COMMD10: variants seen among roughly 807,000 people sequenced by gnomAD.
COMMD10 encodes COMM domain-containing protein 10.
A neutral mutation model predicts 28.9 loss-of-function variants in COMMD10; 33 were observed. The observed-to-expected ratio is 1.14, with a 90% CI of 0.87 to 1.53. The LOEUF (loss-of-function observed/expected upper bound fraction) is 1.53. Among genes scored for constraint, COMMD10 ranks in the 40% most tolerant of loss-of-function variants. The probability of loss-of-function intolerance (pLI) is 0.00; values close to 1 mark genes in which losing one functional copy is unlikely to be tolerated. For synonymous variants in COMMD10, 110 were observed against 81.7 expected, an observed-to-expected ratio of 1.35 and a Z score of -1.87; for missense variants, 310 against 233.4, an observed-to-expected ratio of 1.33 and a Z score of -2.14.
chr5:116,095,370 T>C (rs1221577384), intron 4 of COMMD10, among the ~76,000 whole-genome samples: 1 of 152,232 alleles, frequency 6.6e-6, no homozygotes. Context: ...CTAATGTAAG[T>C]ATACTGAACA....
chr5:116,258,811 G>C (rs1190274037), intron 5 of COMMD10, among the ~76,000 whole-genome samples: 2 of 151,414 alleles, frequency 1.3e-5, no homozygotes, highest in Non-Finnish European at 2.9e-5. Context: ...TGCCTCATCT[G>C]CCTCTCCCTG....
In COMMD10 at chr5:116,165,591, GGT is replaced by G. The variant is rs34777604; in HGVS notation, c.510+31427_510+31428del. Among the ~76,000 whole-genome samples, 651 of 151,114 alleles carry G rather than the reference GGT, an allele frequency of 4.3e-3. 1 individual carries two copies. The highest frequency in any genetic ancestry group is 6.7e-3 in the African/African-American group (276 of 41,252). Reference sequence around the variant, plus strand: ...TTGTCTTCACATGATCTTTCCTAAGGGTGTGTGTGTGTGTGGGTGTATCTGTG... The same window carrying G: ...TTGTCTTCACATGATCTTTCCTAAGGGTGTGTGTGTGTGGGTGTATCTGTG... On this transcript the variant is annotated intron_variant, in intron 5 of 6. Transcript: ENST00000274458.
chr5:116,191,498 G>A (rs1221797822), intron 5 of COMMD10, among the ~76,000 whole-genome samples: 1 of 151,910 alleles, frequency 6.6e-6, no homozygotes. Flanking sequence ...TAAGAGCTGG[G>A]TGACGCCTGT....
chr5:116,259,009 T>A (rs551467699), intron 5 of COMMD10, among the ~76,000 whole-genome samples: 2 of 151,686 alleles, frequency 1.3e-5, no homozygotes, highest in South Asian at 4.1e-4. Context: ...TTCTGAATAA[T>A]CTTTTGTCTT....
intron 5 of COMMD10, among the ~76,000 whole-genome samples, chr5:116,160,504 G>A (rs1218022695): frequency 6.6e-6 from 1 of 152,178 alleles, no homozygotes; most frequent in African/African-American, 2.4e-5. Context: ...TGCAACTGAA[G>A]TTGGATGAGT....
intron 5 of COMMD10, among the ~76,000 whole-genome samples, chr5:116,136,776 A>G (rs962458153): frequency 6.6e-6 from 1 of 152,186 alleles, no homozygotes; most frequent in African/African-American, 2.4e-5. Context: ...ATATATGCAC[A>G]TTGATTAATC....
intron 5 of COMMD10, among the ~76,000 whole-genome samples, chr5:116,256,131 C>T (rs945222219): frequency 2.0e-5 from 3 of 151,542 alleles, no homozygotes; most frequent in Admixed American, 6.6e-5. Context: ...TAATATTTTA[C>T]TTTATTAAAA....
intron 5 of COMMD10, among the ~76,000 whole-genome samples, chr5:116,167,183 C>T (rs769680120): frequency 5.3e-5 from 8 of 151,792 alleles, no homozygotes. Flanking sequence ...AAAAACACAG[C>T]ACAAGAACTT....
chr5:116,200,005 G>T (rs534526577), intron 5 of COMMD10, among the ~76,000 whole-genome samples: 5 of 152,156 alleles, frequency 3.3e-5, no homozygotes, highest in African/African-American at 1.2e-4. Flanking sequence ...TACATACTAG[G>T]TGTATATATT....
intron 5 of COMMD10, among the ~76,000 whole-genome samples, chr5:116,161,667 A>G (rs978338853): frequency 6.6e-6 from 1 of 152,178 alleles, no homozygotes; most frequent in Non-Finnish European, 1.5e-5. Context: ...AAGAGAAAAT[A>G]TATTATTTCT....
At position 116,293,136 on chromosome 5, in the gene COMMD10, A is replaced by G. The variant is rs1751416729; in HGVS notation, c.*647A>G. The G allele has an allele frequency of 2.5e-6, 1 of 394,582 alleles. No homozygotes were observed. Among genetic ancestry groups the G allele is most frequent in the Admixed American group, 4.4e-5 (1 of 22,624 alleles). 24.4% of individuals were successfully genotyped at this position (394,582 alleles called of 1,614,324 possible). On this transcript the variant is annotated 3_prime_UTR_variant, in exon 7 of 7. Transcript: ENST00000274458. Reference sequence around the variant, plus strand: ...TTCTTTATACTGCAAATTAATAATGATTCACTTTATAGTTTGGGAGACAGA... The same window carrying G: ...TTCTTTATACTGCAAATTAATAATGGTTCACTTTATAGTTTGGGAGACAGA...
chr5:116,269,702 G>A lies in COMMD10; in HGVS notation c.511-21815G>A, dbSNP rs527403613. ...GTTTCCCTTTCCCCTCAACTTTTCC[G>A]TAAGCGCACAAAAGAAAGTATTGAT... On this transcript the variant is annotated intron_variant, in intron 5 of 6. Transcript: ENST00000274458. Among the ~76,000 whole-genome samples, 9 of 151,452 alleles carry A rather than the reference G, an allele frequency of 5.9e-5. No individual in the cohort carries two copies. In the East Asian group the frequency reaches 1.4e-3, roughly 23 times the overall value.
At position 116,116,704 on chromosome 5, in the gene COMMD10, T is replaced by A. The variant is rs1016201025; in HGVS notation, c.400-17364T>A. 1.0e-3 allele frequency among the ~76,000 whole-genome samples: 32 copies of A among 31,582 alleles called. 1 individual carries two copies. The East Asian group carries it at 0.019, about 19-fold the overall frequency. The allele number at this position is 31,582 out of a possible 152,430, so 20.7% of individuals were successfully genotyped here. A position where few individuals can be genotyped will look rare whatever the true frequency, so the allele number is the denominator to read the frequency against. On this transcript the variant is annotated intron_variant, in intron 4 of 6. Coordinates refer to ENST00000274458, the MANE Select transcript of COMMD10 (RefSeq NM_016144.4). ...GTTTATCTGCAGTAAAATGCAGAGATTTTTTTTTTTTTTTTTTTTTTTTTT... is the reference window on the plus strand; with the variant it reads ...GTTTATCTGCAGTAAAATGCAGAGAATTTTTTTTTTTTTTTTTTTTTTTTT...
chr5:116,147,476 C>G (rs1259776727), intron 5 of COMMD10, among the ~76,000 whole-genome samples: 1 of 151,716 alleles, frequency 6.6e-6, no homozygotes, highest in East Asian at 1.9e-4. Flanking sequence ...GCAAATTATA[C>G]AGTATTTTAA....
chr5:116,146,089 T>C (rs1394730957), intron 5 of COMMD10, among the ~76,000 whole-genome samples: 1 of 151,886 alleles, frequency 6.6e-6, no homozygotes, highest in Non-Finnish European at 1.5e-5. Context: ...GTCTGTGGCT[T>C]GACCTGGTGT....
chr5:116,134,046 A>C, intron 4 of COMMD10, 22 bp from the exon 5 acceptor site: 1 of 1,344,840 alleles, frequency 7.4e-7, no homozygotes, highest in Non-Finnish European at 1.1e-6. Flanking sequence ...ATCTGATTCC[A>C]ATCTGCACCT....
Position 116,234,220 on chromosome 5 carries a change from T to C in COMMD10, c.511-57297T>C, listed in dbSNP as rs193256087. ...AGGGAAATTCTCAGCAGCATCAGAG[T>C]AATACAATGAAATTCCTCATAGAAA... On this transcript the variant is annotated intron_variant, in intron 5 of 6. Transcript: ENST00000274458. Among the ~76,000 whole-genome samples, 401 of 151,908 alleles carry C rather than the reference T, an allele frequency of 2.6e-3. 3 individuals are homozygous for C. Among genetic ancestry groups the C allele is most frequent in the African/African-American group, 9.0e-3 (374 of 41,410 alleles).
chr5:116,161,071 A>C (rs1752900143), intron 5 of COMMD10, among the ~76,000 whole-genome samples: 1 of 152,174 alleles, frequency 6.6e-6, no homozygotes, highest in South Asian at 2.1e-4. Context: ...TTATGGGCCC[A>C]TGAAGCCTGC....
chr5:116,280,127 A>G (rs1751033753), intron 5 of COMMD10, among the ~76,000 whole-genome samples: 1 of 151,844 alleles, frequency 6.6e-6, no homozygotes, highest in South Asian at 2.1e-4. Flanking sequence ...ATTAAATAAG[A>G]GGATTGGGCA....
Sources: gnomAD v4.1 joint callset for allele counts (sites outside exome capture counted in the v4.1 genomes callset) on GRCh38, gnomAD v4.1.1 for gene constraint, MANE v1.5 for transcripts, NCBI Gene and HGNC (gene_info 2026-07-23, HGNC 2026-07-21) for gene names.